The following RSPH3 variants were observed in gnomAD, a reference collection of about 807,000 sequenced individuals.
RSPH3 encodes the protein radial spoke head protein 3 homolog.
A neutral mutation model predicts 43.8 loss-of-function variants in RSPH3; 21 were observed. That is an observed-to-expected ratio of 0.48 (90% CI 0.34 to 0.69). The LOEUF (loss-of-function observed/expected upper bound fraction) is 0.69, where lower values mean the gene tolerates loss of function less well. Ranked by LOEUF, RSPH3 falls within the 30% of genes least tolerant of loss-of-function variation. RSPH3 has a pLI of 0.01. For missense variants in RSPH3, 487 were observed against 516.0 expected (o/e 0.94, Z 0.54); for synonymous variants, 173 against 179.8 (o/e 0.96, Z 0.30).
rs368216318 is a variant in RSPH3 at position 158,999,764 on chromosome 6, A to G, written c.-214T>C. ...GCTCGCTCCCAGCACCACAGAGACCAGCTGCGGGGGCCGCATCGGTTGCCC... is the reference window on the plus strand; with the variant it reads ...GCTCGCTCCCAGCACCACAGAGACCGGCTGCGGGGGCCGCATCGGTTGCCC... On this transcript the variant is annotated 5_prime_UTR_variant, in exon 1 of 8. Transcript: ENST00000367069. 5 of 1,611,242 alleles carry G rather than the reference A, an allele frequency of 3.1e-6. No individual in the cohort carries two copies. Among genetic ancestry groups the G allele is most frequent in the Non-Finnish European group, 3.4e-6 (4 of 1,178,022 alleles).
At position 158,977,537 on chromosome 6, in the gene RSPH3, C is replaced by A; in HGVS notation, c.*1G>T. 1 of 1,600,494 alleles carries A rather than the reference C, an allele frequency of 6.2e-7. No homozygotes were observed. On this transcript the variant is annotated 3_prime_UTR_variant, in exon 8 of 8. Transcript: ENST00000367069. ...GGTTTCATGACTTTGAAGCTTCCCT[C>A]CTATGACAATTCTTCCTCCCCTAAG...
chr6:158,978,428 ATTGGTTTCTTAATATAAAATG>A (rs1227633332), intron 6 of RSPH3, 82 bp from the exon 7 acceptor site: 1 of 699,726 alleles, frequency 1.4e-6, no homozygotes, highest in African/African-American at 1.8e-5. Flanking sequence ...ACTCATCAAC[ATTGGTTTCTTAATATAAAATG>A]TTAAGTAGAC....
chr6:158,982,578 C>T lies in RSPH3; in HGVS notation c.603G>A (p.Arg201=). The change falls in exon 5 of 8, where the codon CGG becomes CGA. Residue 201 remains arginine (R), a synonymous_variant. Coordinates refer to ENST00000367069, the MANE Select transcript of RSPH3 (RefSeq NM_031924.8). ...GTTCTTCATACTCACGCTGACTGGC[C>T]CGCAGGTTAGCCAGCTCTTCTTCTT... ...VMEEEELANL[R]ASQREYEELR... 6.2e-7 allele frequency: 1 copy of T among 1,613,786 alleles called. No individual in the cohort carries two copies.
At chr6:158,990,997 T>A (rs1156350834) in intron 2 of RSPH3, among the ~76,000 whole-genome samples, 1 of 151,954 alleles carries the variant, frequency 6.6e-6, no homozygotes, top group Admixed American at 6.6e-5. Flanking sequence ...TCCAATGTAC[T>A]ACTGAGTCCA....
intron 1 of RSPH3, among the ~76,000 whole-genome samples, chr6:158,998,161 TG>T (rs1245858984): frequency 6.8e-6 from 1 of 146,704 alleles, no homozygotes; most frequent in Non-Finnish European, 1.5e-5. Context: ...TAAGAGTTTA[TG>T]TTTTTTTTGC....
Position 158,999,712 on chromosome 6 carries a change from C to A in RSPH3, c.-162G>T, listed in dbSNP as rs1365664642. On this transcript the variant is annotated 5_prime_UTR_variant, in exon 1 of 8. Coordinates refer to ENST00000367069, the MANE Select transcript of RSPH3 (RefSeq NM_031924.8). ...GGAGGCGGGCGGGACGGGAGGTTAC[C>A]AGCGCAGGAGGTGGGAGCTATACTG... The A allele has an allele frequency of 6.2e-7, 1 of 1,613,716 alleles. No individual in the cohort carries two copies. The highest frequency in any genetic ancestry group is 8.5e-7 in the Non-Finnish European group (1 of 1,179,820).
Position 158,999,627 on chromosome 6 carries a change from G to C in RSPH3, c.-77C>G. 1 of 1,613,886 alleles carries C rather than the reference G, an allele frequency of 6.2e-7. No homozygotes were observed. Among genetic ancestry groups the C allele is most frequent in the Non-Finnish European group, 8.5e-7 (1 of 1,179,820 alleles). Reference sequence around the variant, plus strand: ...GGGCGCTAAGGTGTTGTGGGACCCGGAGAGATGTAAGTAGTGCCAAGGGCA... The same window carrying C: ...GGGCGCTAAGGTGTTGTGGGACCCGCAGAGATGTAAGTAGTGCCAAGGGCA... On this transcript the variant is annotated 5_prime_UTR_variant, in exon 1 of 8. Coordinates refer to ENST00000367069, the MANE Select transcript of RSPH3 (RefSeq NM_031924.8).
intron 6 of RSPH3, among the ~76,000 whole-genome samples, chr6:158,980,096 T>C (rs1161198207): frequency 2.0e-5 from 3 of 152,264 alleles, no homozygotes; most frequent in African/African-American, 4.8e-5. Flanking sequence ...CAGGACTTTA[T>C]AGTTTACACA....
At chr6:158,964,024 A>G in the RSPH3 span, among the ~76,000 whole-genome samples, 1 of 152,220 alleles carries the variant, frequency 6.6e-6, no homozygotes, top group Non-Finnish European at 1.5e-5. Flanking sequence ...AACTTTTCCT[A>G]GTTATCAGGA....
downstream of RSPH3, among the ~76,000 whole-genome samples, chr6:158,971,132 G>A (rs1048964778): frequency 2.0e-5 from 3 of 152,166 alleles, no homozygotes; most frequent in African/African-American, 7.2e-5. Flanking sequence ...TGGGGGTGGG[G>A]AGGCACCAAG....
At position 158,999,626 on chromosome 6, in the gene RSPH3, G is replaced by A. The variant is rs369850196; in HGVS notation, c.-76C>T. On this transcript the variant is annotated 5_prime_UTR_variant, in exon 1 of 8. Coordinates refer to ENST00000367069, the MANE Select transcript of RSPH3 (RefSeq NM_031924.8). ...TGGGCGCTAAGGTGTTGTGGGACCCGGAGAGATGTAAGTAGTGCCAAGGGC... is the reference window on the plus strand; with the variant it reads ...TGGGCGCTAAGGTGTTGTGGGACCCAGAGAGATGTAAGTAGTGCCAAGGGC... The A allele has an allele frequency of 7.4e-6, 12 of 1,613,734 alleles. No individual in the cohort carries two copies. Among genetic ancestry groups the A allele is most frequent in the African/African-American group, 2.7e-5 (2 of 74,922 alleles).
In RSPH3 at chr6:158,977,026, C is replaced by T. The variant is rs1294156776; in HGVS notation, c.*512G>A. 2.0e-5 allele frequency: 3 copies of T among 153,072 alleles called. No individual in the cohort carries two copies. The highest frequency in any genetic ancestry group is 7.2e-5 in the African/African-American group (3 of 41,416). 9.5% of individuals were successfully genotyped at this position (153,072 alleles called of 1,614,324 possible). On this transcript the variant is annotated 3_prime_UTR_variant, in exon 8 of 8. Transcript: ENST00000367069. The stretch of plus-strand genomic sequence containing the variant: ...ATGGGGTTTCTCCTTGTTGGTCTGG[C>T]TGGTCTCAAACTCCCGACCTCAGGG...
chr6:158,978,327 A>G lies in RSPH3; in HGVS notation c.879T>C (p.Leu293=), dbSNP rs1175794106. Residue 293 remains leucine (L), a synonymous_variant, in exon 7 of 8, where the codon CTT becomes CTC. Coordinates refer to ENST00000367069, the MANE Select transcript of RSPH3 (RefSeq NM_031924.8). ...PIERDIEIGF[L]PWLMNEVEKT... is the part of the protein sequence containing the mutation. ...TTTCAACTTCATTCATTAGCCATGGAAGAAATCCTATCTCAATATCTGTAA... is the reference window on the plus strand; with the variant it reads ...TTTCAACTTCATTCATTAGCCATGGGAGAAATCCTATCTCAATATCTGTAA... 1 of 1,517,702 alleles carries G rather than the reference A, an allele frequency of 6.6e-7. No individual in the cohort carries two copies. The highest frequency in any genetic ancestry group is 9.1e-7 in the Non-Finnish European group (1 of 1,095,194). The allele number at this position is 1,517,702 out of a possible 1,614,324, so 94.0% of individuals were successfully genotyped here. A position where few individuals can be genotyped will look rare whatever the true frequency, so the allele number is the denominator to read the frequency against.
chr6:158,964,678 T>C, the RSPH3 span, among the ~76,000 whole-genome samples: 4 of 152,190 alleles, frequency 2.6e-5, no homozygotes, highest in African/African-American at 9.6e-5. Context: ...TGTCATTTTA[T>C]TGTCGAGTTG....
the RSPH3 span, among the ~76,000 whole-genome samples, chr6:158,964,064 A>G: frequency 6.6e-6 from 1 of 152,298 alleles, no homozygotes; most frequent in South Asian, 2.1e-4. Flanking sequence ...TATTCAAACA[A>G]TGAGGGAGGT....
chr6:158,978,620 A>C (rs566144486), intron 6 of RSPH3, among the ~76,000 whole-genome samples: 7 of 152,196 alleles, frequency 4.6e-5, no homozygotes, highest in African/African-American at 1.7e-4. Context: ...TGCTCACTGC[A>C]ACCTCCGCTT....
intron 5 of RSPH3, among the ~76,000 whole-genome samples, chr6:158,981,686 C>T (rs1778034790): frequency 6.6e-6 from 1 of 152,098 alleles, no homozygotes; most frequent in Admixed American, 6.5e-5. Context: ...ACTAAGTATT[C>T]ATCTTAGAAT....
Position 158,977,418 on chromosome 6 carries a change from C to T in RSPH3, c.*120G>A, listed in dbSNP as rs1777879167. 8.1e-6 allele frequency: 7 copies of T among 859,440 alleles called. No homozygotes were observed. Among genetic ancestry groups the T allele is most frequent in the Non-Finnish European group, 1.3e-5 (7 of 551,970 alleles). The allele number at this position is 859,440 out of a possible 1,614,324, so 53.2% of individuals were successfully genotyped here. On this transcript the variant is annotated 3_prime_UTR_variant, in exon 8 of 8. Coordinates refer to ENST00000367069, the MANE Select transcript of RSPH3 (RefSeq NM_031924.8). ...CATTTGATTGGCCCAGTCCATTACA[C>T]AAAAAGACATACTGACTAAATACAA...
At chr6:158,986,471 C>T (rs1284702061) in intron 2 of RSPH3, 50 bp from the exon 3 acceptor site, 12 of 1,500,928 alleles carry the variant, frequency 8.0e-6, no homozygotes, top group Non-Finnish European at 1.1e-5. Flanking sequence ...TTTATTAAAG[C>T]ATACAGGAAC....
Sources: allele counts gnomAD v4.1 joint callset (sites outside exome capture counted in the v4.1 genomes callset), GRCh38; gene constraint gnomAD v4.1.1; transcripts MANE v1.5; gene names NCBI Gene and HGNC (gene_info 2026-07-23, HGNC 2026-07-21).